Variants in ATP6V0E1 observed in about 807,000 individuals in gnomAD.
The protein encoded by ATP6V0E1 is V-type proton ATPase subunit e 1.
In ATP6V0E1, 4 loss-of-function variants were observed where a neutral mutation model predicts 11.6. The observed-to-expected ratio is 0.35, with a 90% CI of 0.17 to 0.79. The LOEUF (loss-of-function observed/expected upper bound fraction) is 0.79, where lower values mean the gene tolerates loss of function less well. Among genes scored for constraint, ATP6V0E1 ranks in the 30% least tolerant of loss-of-function variants. The pLI, the probability that ATP6V0E1 is intolerant of heterozygous loss-of-function variation, is 0.54. For synonymous variants in ATP6V0E1, 36 were observed against 34.8 expected, an observed-to-expected ratio of 1.04 and a Z score of -0.13; for missense variants, 105 against 100.0, an observed-to-expected ratio of 1.05 and a Z score of -0.21.
intron 3 of ATP6V0E1, among the ~76,000 whole-genome samples, chr5:173,027,514 T>A (rs1016917684): frequency 6.6e-6 from 1 of 150,848 alleles, no homozygotes; most frequent in Admixed American, 6.6e-5. Context: ...AAAAAAAAAA[T>A]AGTGTATGAG....
At chr5:172,991,865 C>T (rs544874445) in intron 1 of ATP6V0E1, among the ~76,000 whole-genome samples, 3 of 152,214 alleles carry the variant, frequency 2.0e-5, no homozygotes, top group South Asian at 4.1e-4. Context: ...TGCCCCGCTT[C>T]CCCCAGTCTC....
chr5:172,994,849 T>G (rs1756035824), intron 2 of ATP6V0E1, 27 bp downstream of exon 2: 12 of 1,562,520 alleles, frequency 7.7e-6, no homozygotes, highest in Non-Finnish European at 9.6e-6. Flanking sequence ...TAAGTAATTA[T>G]TCTTGGTATT....
Position 173,020,105 on chromosome 5 carries a change from A to G in ATP6V0E1, c.153-133A>G, listed in dbSNP as rs910003207. On this transcript the variant is annotated intron_variant, in intron 2 of 3. Transcript: ENST00000519374. ...TATCAGACATGCTGCTGTTAACACA[A>G]TGTATATGGAAAGTTTGGTGTGAAT... The G allele has an allele frequency of 2.7e-5, 18 of 672,528 alleles. No individual in the cohort carries two copies. The Admixed American group carries it at 3.9e-4, about 15-fold the overall frequency. The allele number at this position is 672,528 out of a possible 1,614,324, so 41.7% of individuals were successfully genotyped here. A position where few individuals can be genotyped will look rare whatever the true frequency, so the allele number is the denominator to read the frequency against.
intron 3 of ATP6V0E1, among the ~76,000 whole-genome samples, chr5:173,027,996 A>G (rs985605702): frequency 6.6e-6 from 1 of 152,132 alleles, no homozygotes; most frequent in Non-Finnish European, 1.5e-5. Context: ...GGATCTGAAG[A>G]CATTTTATCT....
chr5:172,988,605 G>A (rs1239074571), intron 1 of ATP6V0E1, among the ~76,000 whole-genome samples: 1 of 152,190 alleles, frequency 6.6e-6, no homozygotes, highest in East Asian at 1.9e-4. Context: ...AGCCGAATTA[G>A]TACTAGTTCC....
chr5:172,996,949 T>G (rs1756076111), intron 2 of ATP6V0E1, among the ~76,000 whole-genome samples: 1 of 12,754 alleles, frequency 7.8e-5, no homozygotes, highest in African/African-American at 1.8e-4. Flanking sequence ...TGGGGAATTT[T>G]TTCTTTTTTT....
intron 2 of ATP6V0E1, among the ~76,000 whole-genome samples, chr5:173,002,713 T>G (rs1581628378): frequency 6.6e-6 from 1 of 152,322 alleles, no homozygotes; most frequent in East Asian, 1.9e-4. Context: ...AGAAGCCAAG[T>G]CTGGTGGCTC....
chr5:173,017,408 C>T (rs1363319969), intron 2 of ATP6V0E1, among the ~76,000 whole-genome samples: 1 of 151,808 alleles, frequency 6.6e-6, no homozygotes. Context: ...GTGGCAGGCG[C>T]CTGTAATCCC....
At chr5:173,030,682 C>G (rs558517086) in intron 3 of ATP6V0E1, among the ~76,000 whole-genome samples, 84 of 151,972 alleles carry the variant, frequency 5.5e-4, no homozygotes, top group South Asian at 2.1e-3. Flanking sequence ...CTCAGGTGAT[C>G]CGCCCCGCCT....
At chr5:173,017,083 A>T (rs1756411332) in intron 2 of ATP6V0E1, among the ~76,000 whole-genome samples, 2 of 152,252 alleles carry the variant, frequency 1.3e-5, no homozygotes, top group South Asian at 4.1e-4. Context: ...TGATCCTCTG[A>T]TTGGAAAAGC....
chr5:173,033,288 G>C (rs773950567), intron 3 of ATP6V0E1, among the ~76,000 whole-genome samples: 2 of 152,038 alleles, frequency 1.3e-5, no homozygotes, highest in Non-Finnish European at 2.9e-5. Flanking sequence ...TGTTGCCCAG[G>C]CTGGCCTCAG....
chr5:172,985,260 A>G (rs1755879163), intron 1 of ATP6V0E1, among the ~76,000 whole-genome samples: 1 of 151,914 alleles, frequency 6.6e-6, no homozygotes, highest in African/African-American at 2.4e-5. Context: ...AAAAAAAAAA[A>G]AAGAAAGAAA....
intron 2 of ATP6V0E1, among the ~76,000 whole-genome samples, chr5:173,007,234 C>T (rs1044165282): frequency 1.3e-5 from 2 of 152,136 alleles, no homozygotes; most frequent in Non-Finnish European, 2.9e-5. Flanking sequence ...CTCGGCCTCC[C>T]AAAATGCTGG....
chr5:172,989,749 A>G (rs974549376), intron 1 of ATP6V0E1, among the ~76,000 whole-genome samples: 3 of 152,044 alleles, frequency 2.0e-5, no homozygotes, highest in African/African-American at 7.2e-5. Context: ...GCTAGTCTCA[A>G]ACTCCTGACC....
chr5:173,025,507 T>TC (rs1756545590), intron 3 of ATP6V0E1, among the ~76,000 whole-genome samples: 1 of 121,726 alleles, frequency 8.2e-6, no homozygotes, highest in African/African-American at 3.6e-5. Context: ...TAAAATACTT[T>TC]TTTTTTTTTT....
chr5:173,006,562 C>T (rs980429906), intron 2 of ATP6V0E1, among the ~76,000 whole-genome samples: 6 of 152,174 alleles, frequency 3.9e-5, no homozygotes, highest in Admixed American at 2.0e-4. Context: ...GGCAGTGAGC[C>T]GAGATGGCGA....
At chr5:173,003,788 A>C (rs1379525072) in intron 2 of ATP6V0E1, among the ~76,000 whole-genome samples, 2 of 152,246 alleles carry the variant, frequency 1.3e-5, no homozygotes, top group Non-Finnish European at 2.9e-5. Context: ...CAACTGGTAC[A>C]TGCTAATTAG....
At chr5:173,014,558 T>G (rs990992876) in intron 2 of ATP6V0E1, among the ~76,000 whole-genome samples, 5 of 152,212 alleles carry the variant, frequency 3.3e-5, no homozygotes, top group African/African-American at 1.2e-4. Context: ...AATGAAATCA[T>G]GTCATTTGCA....
chr5:173,031,822 C>CAA (rs34167312), intron 3 of ATP6V0E1, among the ~76,000 whole-genome samples: 29 of 119,438 alleles, frequency 2.4e-4, no homozygotes, highest in East Asian at 1.4e-3. Context: ...GACTCTGCCT[C>CAA]AAAAAAAAAA....
Sources: gnomAD v4.1 joint callset for allele counts (sites outside exome capture counted in the v4.1 genomes callset) on GRCh38, gnomAD v4.1.1 for gene constraint, MANE v1.5 for transcripts, NCBI Gene and HGNC (gene_info 2026-07-23, HGNC 2026-07-21) for gene names.